The following DST variants were observed in gnomAD, a reference collection of about 807,000 sequenced individuals.
DST encodes the protein bullous pemphigoid antigen.
In DST, 253 loss-of-function variants were observed where a neutral mutation model predicts 875.2. That is an observed-to-expected ratio of 0.29 (90% CI 0.26 to 0.32). The LOEUF is 0.32. Ranked by LOEUF, DST falls within the 10% of genes least tolerant of loss-of-function variation. The pLI, the probability that DST is intolerant of heterozygous loss-of-function variation, is 1.00. For synonymous variants in DST, 3,124 were observed against 3,197.1 expected, an observed-to-expected ratio of 0.98 and a Z score of 0.77; for missense variants, 8,287 against 9,111.6, an observed-to-expected ratio of 0.91 and a Z score of 3.68.
intron 64 of DST, 111 bp from the exon 65 acceptor site, chr6:56,530,244 C>T: frequency 1.3e-6 from 1 of 771,638 alleles, no homozygotes; most frequent in Non-Finnish European, 1.9e-6. Flanking sequence ...TAGAAACTAT[C>T]TAAGGTTACA....
At chr6:56,527,788 G>A in intron 67 of DST, 54 bp from the exon 68 acceptor site, 1 of 1,528,878 alleles carries the variant, frequency 6.5e-7, no homozygotes, top group Non-Finnish European at 8.8e-7. Flanking sequence ...GGCAGGGAGA[G>A]GGTTTCTTCA....
chr6:56,830,346 A>G (rs1471572886), intron 4 of DST, among the ~76,000 whole-genome samples: 1 of 152,230 alleles, frequency 6.6e-6, no homozygotes, highest in African/African-American at 2.4e-5. Flanking sequence ...AATGTTATAT[A>G]TTATGGAGAA....
intron 36 of DST, among the ~76,000 whole-genome samples, chr6:56,622,081 A>T (rs1226568508): frequency 6.6e-6 from 1 of 152,202 alleles, no homozygotes; most frequent in Non-Finnish European, 1.5e-5. Context: ...ATCTATTTAA[A>T]TACTAAGTTT....
At chr6:56,639,212 T>C in intron 22 of DST, 47 bp downstream of exon 22, 1 of 1,448,258 alleles carries the variant, frequency 6.9e-7, no homozygotes, top group Non-Finnish European at 9.7e-7. Flanking sequence ...TGAAGGGAAA[T>C]AATCATATCA....
chr6:56,738,751 G>A (rs1454507978), intron 4 of DST, among the ~76,000 whole-genome samples: 1 of 151,678 alleles, frequency 6.6e-6, no homozygotes. Flanking sequence ...GCCTCCCAAG[G>A]AGTTGGGACT....
chr6:56,608,138 A>AGAGC lies in DST; in HGVS notation c.6486_6489dup (p.Ser2164AlafsTer5). ...GTGGAGGGTTGAAATTTACAAAAAGAGAGCCATCTTCTGGCATTTTTACAA... is the reference window on the plus strand; with the variant it reads ...GTGGAGGGTTGAAATTTACAAAAAGAGAGCGAGCCATCTTCTGGCATTTTTACAA... On this transcript the variant is annotated frameshift_variant, in exon 40 of 104. Transcript: ENST00000680361. LOFTEE classifies it high-confidence loss of function. 6.2e-7 allele frequency: 1 copy of AGAGC among 1,613,762 alleles called. No homozygotes were observed. The highest frequency in any genetic ancestry group is 1.3e-5 in the African/African-American group (1 of 75,054).
intron 5 of DST, among the ~76,000 whole-genome samples, chr6:56,717,197 A>ATAAG (rs2099398438): frequency 6.7e-6 from 1 of 148,288 alleles, no homozygotes; most frequent in African/African-American, 2.6e-5. Flanking sequence ...AAATAAATAA[A>ATAAG]TAAATAAATA....
At chr6:56,795,043 AG>A (rs1334975693) in intron 4 of DST, among the ~76,000 whole-genome samples, 2 of 152,212 alleles carry the variant, frequency 1.3e-5, no homozygotes, top group East Asian at 3.9e-4. Flanking sequence ...AGCCCCTTAT[AG>A]GAAAAACCAG....
chr6:56,771,433 A>G (rs1026589071), intron 4 of DST, among the ~76,000 whole-genome samples: 1 of 152,214 alleles, frequency 6.6e-6, no homozygotes, highest in African/African-American at 2.4e-5. Context: ...GTGTCATTTA[A>G]GGAGACACTA....
intron 4 of DST, among the ~76,000 whole-genome samples, chr6:56,772,747 T>C (rs946374216): frequency 6.6e-6 from 1 of 152,154 alleles, no homozygotes; most frequent in Non-Finnish European, 1.5e-5. Flanking sequence ...ACAAATATTT[T>C]GGTCCTTCAG....
At chr6:56,779,920 C>T (rs925471810) in intron 4 of DST, among the ~76,000 whole-genome samples, 4 of 138,382 alleles carry the variant, frequency 2.9e-5, no homozygotes, top group Non-Finnish European at 6.1e-5. Context: ...GTTCCCCTTC[C>T]TGTGTCCATG....
At position 56,603,644 on chromosome 6, in the gene DST, C is replaced by T; in HGVS notation, c.10861G>A (p.Asp3621Asn). 1.2e-6 allele frequency: 2 copies of T among 1,611,098 alleles called. No homozygotes were observed. Among genetic ancestry groups the T allele is most frequent in the Non-Finnish European group, 1.7e-6 (2 of 1,178,816 alleles). Residue 3621 changes from aspartate to asparagine, a missense_variant, in exon 41 of 104, where the codon GAT becomes AAT. Transcript: ENST00000680361. The part of the protein sequence containing the change: ...KMHEYLTLLQ[D>N]MKPPLDNQES... ...TGGTTGTCTAAGGGGGGTTTCATAT[C>T]TTGAAGCAATGTCAAATACTCATGC...
chr6:56,907,544 G>C (rs1332309982), intron 2 of DST, among the ~76,000 whole-genome samples: 1 of 152,180 alleles, frequency 6.6e-6, no homozygotes, highest in African/African-American at 2.4e-5. Context: ...GTTGCAATTA[G>C]AAAAGCCCAG....
chr6:56,640,462 G>A lies in DST; in HGVS notation c.2171C>T (p.Thr724Ile). 6.2e-7 allele frequency: 1 copy of A among 1,614,158 alleles called. No individual in the cohort carries two copies. Among genetic ancestry groups the A allele is most frequent in the Non-Finnish European group, 8.5e-7 (1 of 1,180,020 alleles). Reference sequence around the variant, plus strand: ...CCCTGAGGTCAGACTAGGGTGTAAGGTCTGTGCAAATCCTGAGTTTAAACT... The same window carrying A: ...CCCTGAGGTCAGACTAGGGTGTAAGATCTGTGCAAATCCTGAGTTTAAACT... ...TQSLNSGFAQ[T>I]LHPSLTSGLT... is the part of the protein sequence containing the mutation. Residue 724 changes from threonine (T) to isoleucine (I), a missense_variant, in exon 18 of 104, where the codon ACC (threonine) becomes ATC (isoleucine). Thr to Ile is a moderately conservative substitution (Grantham distance 89). Transcript: ENST00000680361.
Position 56,640,135 on chromosome 6 carries a change from T to C in DST, c.2490+8A>G, listed in dbSNP as rs765125221. On this transcript the variant is annotated splice_region_variant and intron_variant, in intron 18 of 103. Coordinates refer to ENST00000680361, the MANE Select transcript of DST (RefSeq NM_001374736.1). ...TGAAACACTCAGGTAAAGTAAACATTTTTTTACCTGCATCTCATCAACCCA... is the reference window on the plus strand; with the variant it reads ...TGAAACACTCAGGTAAAGTAAACATCTTTTTACCTGCATCTCATCAACCCA... The C allele has an allele frequency of 1.5e-5, 25 of 1,613,706 alleles. No individual in the cohort carries two copies. The highest frequency in any genetic ancestry group is 2.1e-5 in the Non-Finnish European group (25 of 1,179,696).
At chr6:56,536,091 C>T (rs2096992650) in intron 62 of DST, among the ~76,000 whole-genome samples, 1 of 152,178 alleles carries the variant, frequency 6.6e-6, no homozygotes, top group Non-Finnish European at 1.5e-5. Flanking sequence ...ACTGCCACAA[C>T]CAGATATGCA....
intron 9 of DST, among the ~76,000 whole-genome samples, chr6:56,671,845 T>C (rs570846181): frequency 6.6e-6 from 1 of 152,318 alleles, no homozygotes; most frequent in South Asian, 2.1e-4. Context: ...AGGGAAAATA[T>C]CACTTGACCA....
chr6:56,509,537 T>C, intron 74 of DST, 105 bp downstream of exon 74: 2 of 808,038 alleles, frequency 2.5e-6, no homozygotes, highest in Non-Finnish European at 4.0e-6. Flanking sequence ...ACATTTGTAG[T>C]ATCTTTTTTA....
At chr6:56,506,371 C>A in intron 77 of DST, 72 bp downstream of exon 77, 1 of 1,234,678 alleles carries the variant, frequency 8.1e-7, no homozygotes, top group South Asian at 1.6e-5. Context: ...GAGGTGGTGC[C>A]AATATGTAGA....
Sources: allele counts gnomAD v4.1 joint callset (sites outside exome capture counted in the v4.1 genomes callset), GRCh38; gene constraint gnomAD v4.1.1; transcripts MANE v1.5; gene names NCBI Gene and HGNC (gene_info 2026-07-23, HGNC 2026-07-21).